The following KMT5A variants were observed in gnomAD, a reference collection of about 807,000 sequenced individuals.
KMT5A encodes the protein N-lysine methyltransferase KMT5A.
KMT5A carries 6 observed loss-of-function variants against 40.6 expected under a neutral mutation model. That is an observed-to-expected ratio of 0.15 (90% CI 0.08 to 0.29). KMT5A has a LOEUF of 0.29. Among genes scored for constraint, KMT5A ranks in the 10% least tolerant of loss-of-function variants. The pLI is 1.00. For missense variants in KMT5A, 308 were observed against 459.1 expected (o/e 0.67, Z 3.01); for synonymous variants, 153 against 178.8 (o/e 0.86, Z 1.15).
In KMT5A at chr12:123,407,694, G is replaced by C; in HGVS notation, c.1050G>C (p.Leu350=). The change falls in exon 8 of 8, where the codon CTG becomes CTC. Residue 350 remains leucine (L), a synonymous_variant. Transcript: ENST00000402868. ...CTTCCATTGAAGCCCACCCGTGGCT[G>C]AAGCATTAACCGGTGGGCCCCGTGC... The part of the protein sequence containing the change: ...SKASIEAHPW[L]KH 1.9e-6 allele frequency: 3 copies of C among 1,612,862 alleles called. No homozygotes were observed. The highest frequency in any genetic ancestry group is 2.5e-6 in the Non-Finnish European group (3 of 1,179,454).
At chr12:123,393,205 T>C (rs1417852442) in intron 3 of KMT5A, among the ~76,000 whole-genome samples, 1 of 152,178 alleles carries the variant, frequency 6.6e-6, no homozygotes, top group African/African-American at 2.4e-5. Flanking sequence ...TTCTGTTTTG[T>C]TTATCTAGAT....
At chr12:123,387,843 G>A (rs903667002) in intron 1 of KMT5A, among the ~76,000 whole-genome samples, 2 of 152,184 alleles carry the variant, frequency 1.3e-5, no homozygotes, top group East Asian at 1.9e-4. Context: ...TACCCATGAG[G>A]ACACTGAGGC....
intron 1 of KMT5A, chr12:123,388,316 C>T (rs1486161305): frequency 6.6e-6 from 1 of 152,314 alleles, no homozygotes; most frequent in Admixed American, 6.5e-5. Context: ...CTCACTTTCT[C>T]CATCTGTTGA....
At chr12:123,404,161 T>G (rs1196977277) in intron 6 of KMT5A, among the ~76,000 whole-genome samples, 1 of 152,202 alleles carries the variant, frequency 6.6e-6, no homozygotes, top group East Asian at 1.9e-4. Context: ...TTAAACTGTT[T>G]TCCTAGATAA....
chr12:123,384,705 C>T lies in KMT5A; in HGVS notation c.10+497C>T, dbSNP rs548490965. Among the ~76,000 whole-genome samples, 7 of 152,250 alleles carry T rather than the reference C, an allele frequency of 4.6e-5. No individual in the cohort carries two copies. Among genetic ancestry groups the T allele is most frequent in the African/African-American group, 1.4e-4 (6 of 41,476 alleles). Reference sequence around the variant, plus strand: ...AGCAGGCGCCTTTCCTCCCTCCCCACGTCCTGAGTCAGCTCTGCGCCGCTG... The same window carrying T: ...AGCAGGCGCCTTTCCTCCCTCCCCATGTCCTGAGTCAGCTCTGCGCCGCTG... On this transcript the variant is annotated intron_variant, in intron 1 of 7. Transcript: ENST00000402868. This position sits in a 1 kb window ranked among gnomAD's most constrained non-coding sequence, Gnocchi z 5.7.
chr12:123,385,498 CATTA>C (rs553735308), intron 1 of KMT5A, among the ~76,000 whole-genome samples: 5 of 152,102 alleles, frequency 3.3e-5, no homozygotes, highest in Non-Finnish European at 7.3e-5. Context: ...AAAAGTAGTG[CATTA>C]ATTAATATAT....
Position 123,407,727 on chromosome 12 carries a change from G to A in KMT5A, c.*24G>A, listed in dbSNP as rs578108947. ...AACCGGTGGGCCCCGTGCCCTCCCCGCCCCACTTTCCCTTCTTCAAAGGAC... is the reference window on the plus strand; with the variant it reads ...AACCGGTGGGCCCCGTGCCCTCCCCACCCCACTTTCCCTTCTTCAAAGGAC... On this transcript the variant is annotated 3_prime_UTR_variant, in exon 8 of 8. Coordinates refer to ENST00000402868, the MANE Select transcript of KMT5A (RefSeq NM_020382.7). The A allele has an allele frequency of 3.2e-6, 5 of 1,584,646 alleles. No homozygotes were observed. Among genetic ancestry groups the A allele is most frequent in the African/African-American group, 1.3e-5 (1 of 74,136 alleles).
intron 1 of KMT5A, among the ~76,000 whole-genome samples, chr12:123,387,716 C>T (rs1231042642): frequency 2.0e-5 from 3 of 152,290 alleles, no homozygotes; most frequent in East Asian, 1.9e-4. Context: ...CAGTCTTATC[C>T]GTTCCAATGG....
intron 5 of KMT5A, among the ~76,000 whole-genome samples, chr12:123,398,925 C>T (rs1877945751): frequency 6.6e-6 from 1 of 152,248 alleles, no homozygotes; most frequent in South Asian, 2.1e-4. Context: ...CTCTTATATA[C>T]CTCCACTGAG....
At chr12:123,395,431 C>G (rs1025053119) in intron 4 of KMT5A, among the ~76,000 whole-genome samples, 165 bp downstream of exon 4, 1 of 152,176 alleles carries the variant, frequency 6.6e-6, no homozygotes, top group Admixed American at 6.5e-5. Context: ...CACTGTTTGT[C>G]AGTTTCTGGA....
intron 1 of KMT5A, 23 bp from the exon 2 acceptor site, chr12:123,389,410 T>C: frequency 4.9e-6 from 5 of 1,027,154 alleles, no homozygotes; most frequent in Non-Finnish European, 5.8e-6. Flanking sequence ...CCTCCCCCGC[T>C]TCCCCCGGGT....
chr12:123,390,295 T>G (rs1431527377), intron 2 of KMT5A: 1 of 386,248 alleles, frequency 2.6e-6, no homozygotes, highest in Non-Finnish European at 5.0e-6. Flanking sequence ...CTCCTAAAGA[T>G]AGCCTAGCTC....
At chr12:123,398,563 C>T (rs968094693) in intron 5 of KMT5A, among the ~76,000 whole-genome samples, 1 of 152,214 alleles carries the variant, frequency 6.6e-6, no homozygotes, top group African/African-American at 2.4e-5. Flanking sequence ...CACTTGCTTC[C>T]CTAAAGCACA....
intron 3 of KMT5A, among the ~76,000 whole-genome samples, chr12:123,394,166 T>C (rs1877520021): frequency 7.0e-6 from 1 of 142,090 alleles, no homozygotes; most frequent in Admixed American, 7.5e-5. Context: ...TGCAATGGCA[T>C]GATCTTAGCT....
At chr12:123,387,053 C>T (rs959728506) in intron 1 of KMT5A, among the ~76,000 whole-genome samples, 11 of 152,128 alleles carry the variant, frequency 7.2e-5, no homozygotes, top group African/African-American at 2.4e-4. Context: ...GACGGGGTTT[C>T]GCCATGTTGG....
At chr12:123,388,856 T>A (rs1424343526) in intron 1 of KMT5A, 1 of 147,712 alleles carries the variant, frequency 6.8e-6, no homozygotes, top group Non-Finnish European at 1.5e-5. Context: ...CGAGCCGGGA[T>A]TCGCCGCGCC....
chr12:123,404,810 C>A, intron 6 of KMT5A, 74 bp from the exon 7 acceptor site: 1 of 1,461,928 alleles, frequency 6.8e-7, no homozygotes, highest in Non-Finnish European at 9.3e-7. Flanking sequence ...TAAGCCCCAG[C>A]TCCCCGGAGA....
At chr12:123,400,659 A>G (rs780911247) in intron 5 of KMT5A, among the ~76,000 whole-genome samples, 2 of 152,162 alleles carry the variant, frequency 1.3e-5, no homozygotes, top group South Asian at 4.2e-4. Flanking sequence ...GCGCCTGGCC[A>G]ATAATTTTAA....
chr12:123,388,993 C>T (rs887192701), intron 1 of KMT5A: 1 of 143,702 alleles, frequency 7.0e-6, no homozygotes, highest in Non-Finnish European at 1.5e-5. Flanking sequence ...GCCTGCGCCT[C>T]CTTCCCTTCG....
Sources: gnomAD v4.1 joint callset for allele counts (sites outside exome capture counted in the v4.1 genomes callset) on GRCh38, gnomAD v4.1.1 for gene constraint, Gnocchi (gnomAD v3.1) non-coding constraint, MANE v1.5 for transcripts, NCBI Gene and HGNC (gene_info 2026-07-23, HGNC 2026-07-21) for gene names.